The following ASCC3 variants were observed in gnomAD, a reference collection of about 807,000 sequenced individuals.
ASCC3 encodes the protein activating signal cointegrator 1 complex subunit 3, also known as ASC-1 complex subunit P200.
Under a neutral mutation model 256.3 loss-of-function variants are expected in ASCC3, and 158 were observed. The ratio of observed to expected loss-of-function variants is 0.62; its 90% CI spans 0.54 to 0.70. ASCC3 has a LOEUF of 0.70. Ranked by LOEUF, ASCC3 falls within the 30% of genes least tolerant of loss-of-function variation. The probability of loss-of-function intolerance (pLI) is 0.00; values close to 1 mark genes in which losing one functional copy is unlikely to be tolerated. For synonymous variants in ASCC3, 948 were observed against 883.4 expected (o/e 1.07, Z -1.30); for missense variants, 2,259 against 2,626.0 (o/e 0.86, Z 3.05).
At chr6:100,706,380 T>G (rs1778582139) in intron 13 of ASCC3, among the ~76,000 whole-genome samples, 1 of 150,952 alleles carries the variant, frequency 6.6e-6, no homozygotes, top group South Asian at 2.1e-4. Flanking sequence ...CGGGAAGTTC[T>G]TTGTTGACCT....
In ASCC3 at chr6:100,700,102, G is replaced by A. The variant is rs544821424; in HGVS notation, c.2151+15360C>T. Among the ~76,000 whole-genome samples, 8 of 152,166 alleles carry A rather than the reference G, an allele frequency of 5.3e-5. No homozygotes were observed. In the East Asian group the frequency reaches 1.5e-3, roughly 29 times the overall value. ...AAGACAAAGGGGAAAATGTCTCTGG[G>A]GCATGTCAGAGACCTTTGTGGCAGC... On this transcript the variant is annotated intron_variant, in intron 13 of 41. Transcript: ENST00000369162.
chr6:100,625,365 A>G, intron 29 of ASCC3, 31 bp from the exon 30 acceptor site: 2 of 1,608,408 alleles, frequency 1.2e-6, no homozygotes, highest in Non-Finnish European at 1.7e-6. Context: ...ATAAAATGGA[A>G]AGATACTTAA....
Position 100,655,782 on chromosome 6 carries a change from C to T in ASCC3, c.2740G>A (p.Val914Met), listed in dbSNP as rs1775887401. ...AGATAAGTGTAACTTATCCACTTCA[C>T]TGCTTCTTCCACATTAGTAACTGTT... ...LGTVTNVEEAVKWISYTYLYV... is the reference protein window; with the variant it reads ...LGTVTNVEEAMKWISYTYLYV... The change falls in exon 17 of 42, where the codon GTG (valine) becomes ATG (methionine). Residue 914 changes from valine (V) to methionine (M), a missense_variant. Physicochemically the swap from Val to Met is conservative, Grantham distance 21. Coordinates refer to ENST00000369162, the MANE Select transcript of ASCC3 (RefSeq NM_006828.4). 3 of 1,611,648 alleles carry T rather than the reference C, an allele frequency of 1.9e-6. No homozygotes were observed. Among genetic ancestry groups the T allele is most frequent in the African/African-American group, 2.7e-5 (2 of 74,856 alleles).
At chr6:100,594,875 G>C (rs1341975802) in intron 34 of ASCC3, among the ~76,000 whole-genome samples, 1 of 152,048 alleles carries the variant, frequency 6.6e-6, no homozygotes, top group Non-Finnish European at 1.5e-5. Flanking sequence ...TTCTATATTA[G>C]CACCAACATG....
intron 36 of ASCC3, among the ~76,000 whole-genome samples, chr6:100,555,360 G>T (rs770872355): frequency 2.6e-4 from 39 of 152,028 alleles, no homozygotes; most frequent in Non-Finnish European, 4.4e-4. Flanking sequence ...TGTCTGACTT[G>T]TATCATTGTC....
chr6:100,741,887 T>G (rs1477218811), intron 10 of ASCC3, among the ~76,000 whole-genome samples: 1 of 152,230 alleles, frequency 6.6e-6, no homozygotes, highest in Non-Finnish European at 1.5e-5. Flanking sequence ...CATCTCAGTC[T>G]CAAACCAGTT....
intron 18 of ASCC3, among the ~76,000 whole-genome samples, chr6:100,652,094 A>T (rs780992841): frequency 8.5e-5 from 13 of 152,242 alleles, no homozygotes; most frequent in South Asian, 8.3e-4. Flanking sequence ...ACATACAGAA[A>T]ATTAGAAAAC....
chr6:100,756,852 A>T (rs1562275055), intron 10 of ASCC3, among the ~76,000 whole-genome samples: 1 of 152,150 alleles, frequency 6.6e-6, no homozygotes, highest in African/African-American at 2.4e-5. Flanking sequence ...GAAATATAAA[A>T]TTTTTTTTTA....
At chr6:100,651,259 C>T (rs745669613) in intron 19 of ASCC3, among the ~76,000 whole-genome samples, 3 of 151,870 alleles carry the variant, frequency 2.0e-5, no homozygotes, top group Admixed American at 1.3e-4. Flanking sequence ...GGTACTTTTA[C>T]ATTTTCTTCA....
chr6:100,805,318 C>A (rs922456181), intron 5 of ASCC3, among the ~76,000 whole-genome samples: 1 of 152,010 alleles, frequency 6.6e-6, no homozygotes, highest in African/African-American at 2.4e-5. Context: ...TGGGTACACA[C>A]AGACACAAAG....
Position 100,569,626 on chromosome 6 carries a change from C to T in ASCC3, c.5550+20008G>A, listed in dbSNP as rs188404523. ...GTCTCGATCTCCTGACCTCGTGATCCGCCCTCCTCAGCCTCCCAAAATGCT... is the reference window on the plus strand; with the variant it reads ...GTCTCGATCTCCTGACCTCGTGATCTGCCCTCCTCAGCCTCCCAAAATGCT... On this transcript the variant is annotated intron_variant, in intron 36 of 41. Transcript: ENST00000369162. 1.5e-3 allele frequency among the ~76,000 whole-genome samples: 233 copies of T among 152,182 alleles called. 3 individuals carry two copies. The highest frequency in any genetic ancestry group is 5.3e-3 in the African/African-American group (220 of 41,532).
chr6:100,615,279 C>G (rs1773611217), intron 30 of ASCC3, among the ~76,000 whole-genome samples: 1 of 152,138 alleles, frequency 6.6e-6, no homozygotes, highest in South Asian at 2.1e-4. Context: ...AGCCCAGCTA[C>G]TGATTTTTCT....
intron 36 of ASCC3, 136 bp from the exon 37 acceptor site, chr6:100,540,523 T>C: frequency 2.8e-6 from 2 of 718,714 alleles, no homozygotes; most frequent in Non-Finnish European, 4.7e-6. Flanking sequence ...GCTTGTTCAA[T>C]ATTATCATTA....
intron 8 of ASCC3, among the ~76,000 whole-genome samples, chr6:100,780,687 A>G (rs375265878): frequency 3.7e-4 from 57 of 152,358 alleles, no homozygotes; most frequent in Admixed American, 1.5e-3. Flanking sequence ...CTTATTCTCT[A>G]TAGTTATCCT....
chr6:100,746,520 CACTT>C (rs1363694572), intron 10 of ASCC3, among the ~76,000 whole-genome samples: 1 of 152,154 alleles, frequency 6.6e-6, no homozygotes, highest in African/African-American at 2.4e-5. Context: ...TCCTTTCACT[CACTT>C]AAGGTTGTAC....
chr6:100,653,449 C>A (rs1182741805), intron 17 of ASCC3, among the ~76,000 whole-genome samples: 1 of 151,990 alleles, frequency 6.6e-6, no homozygotes, highest in Non-Finnish European at 1.5e-5. Flanking sequence ...AGCAGCCTGA[C>A]AAACAAGGAG....
chr6:100,697,391 T>C (rs1464492357), intron 13 of ASCC3, among the ~76,000 whole-genome samples: 1 of 145,860 alleles, frequency 6.9e-6, no homozygotes, highest in African/African-American at 2.6e-5. Context: ...TGGTAACTTC[T>C]ATAAGCAATT....
chr6:100,824,874 T>C (rs1049936722), intron 4 of ASCC3, among the ~76,000 whole-genome samples: 5 of 152,128 alleles, frequency 3.3e-5, no homozygotes, highest in Non-Finnish European at 7.4e-5. Flanking sequence ...CATGAAAGCC[T>C]TGAAGGGTAA....
At chr6:100,721,956 A>G (rs1320003808) in intron 11 of ASCC3, among the ~76,000 whole-genome samples, 1 of 151,764 alleles carries the variant, frequency 6.6e-6, no homozygotes, top group East Asian at 1.9e-4. Context: ...TAGGATTTTT[A>G]TTGTTTAAGA....
Sources: allele counts gnomAD v4.1 joint callset (sites outside exome capture counted in the v4.1 genomes callset), GRCh38; gene constraint gnomAD v4.1.1; transcripts MANE v1.5; gene names NCBI Gene and HGNC (gene_info 2026-07-23, HGNC 2026-07-21).